SLC9C1: variants seen among roughly 807,000 people sequenced by gnomAD.
SLC9C1 encodes solute carrier family 9 member C1, also known as sodium/hydrogen exchanger 10.
SLC9C1 carries 97 observed loss-of-function variants against 140.9 expected under a neutral mutation model. The observed-to-expected ratio is 0.69, with a 90% CI of 0.58 to 0.82. SLC9C1 has a LOEUF of 0.82. SLC9C1 is among the 40% of genes least tolerant of loss of function. The probability of loss-of-function intolerance (pLI) is 0.00; values close to 1 mark genes in which losing one functional copy is unlikely to be tolerated. For missense variants in SLC9C1, 1,340 were observed against 1,389.3 expected (o/e 0.96, Z 0.56); for synonymous variants, 440 against 442.6 (o/e 0.99, Z 0.07).
intron 11 of SLC9C1, among the ~76,000 whole-genome samples, chr3:112,241,819 G>A (rs2079145536): frequency 6.6e-6 from 1 of 152,120 alleles, no homozygotes; most frequent in Non-Finnish European, 1.5e-5. Flanking sequence ...TCTGATGTTT[G>A]ACAAAGCTGA....
Position 112,170,022 on chromosome 3 carries a change from C to G in SLC9C1, c.2920-694G>C, listed in dbSNP as rs572812893. ...TGGATTAAAGAGTTAAACGTTAGAT[C>G]CTAAACTATAAACATGCTGGAAGGA... On this transcript the variant is annotated intron_variant, in intron 23 of 28. Coordinates refer to ENST00000305815, the MANE Select transcript of SLC9C1 (RefSeq NM_183061.3). 2.0e-5 allele frequency among the ~76,000 whole-genome samples: 3 copies of G among 152,042 alleles called. No homozygotes were observed. In the South Asian group the frequency reaches 6.2e-4, roughly 32 times the overall value.
At chr3:112,173,290 T>C (rs1029320897) in intron 23 of SLC9C1, among the ~76,000 whole-genome samples, 2 of 152,184 alleles carry the variant, frequency 1.3e-5, no homozygotes, top group Admixed American at 6.5e-5. Context: ...AATTTTTTCA[T>C]TTAGGTTTAA....
intron 26 of SLC9C1, among the ~76,000 whole-genome samples, chr3:112,163,494 A>C (rs1353393387): frequency 1.3e-5 from 2 of 151,690 alleles, no homozygotes; most frequent in Non-Finnish European, 3.0e-5. Flanking sequence ...TTGGTTTCAA[A>C]GAACATCTTT....
intron 13 of SLC9C1, among the ~76,000 whole-genome samples, chr3:112,226,728 TC>T (rs56038705): frequency 0.23 from 34,902 of 151,778 alleles, 4,382 homozygotes; most frequent in Middle Eastern, 0.28. Context: ...TCCCCCCCCA[TC>T]CCCCCACACA....
At chr3:112,217,959 T>C (rs1576369064) in intron 14 of SLC9C1, among the ~76,000 whole-genome samples, 1 of 152,158 alleles carries the variant, frequency 6.6e-6, no homozygotes, top group Non-Finnish European at 1.5e-5. Flanking sequence ...AAAATACCAA[T>C]GTTAGGCTGG....
intron 28 of SLC9C1, among the ~76,000 whole-genome samples, chr3:112,149,412 C>T (rs2074894657): frequency 6.6e-6 from 1 of 152,080 alleles, no homozygotes; most frequent in African/African-American, 2.4e-5. Flanking sequence ...GCTGCTGATC[C>T]AGTGAGTGAG....
intron 10 of SLC9C1, among the ~76,000 whole-genome samples, chr3:112,247,495 C>T (rs1383063069): frequency 1.3e-5 from 2 of 152,168 alleles, no homozygotes; most frequent in African/African-American, 2.4e-5. Flanking sequence ...CATCTCTGGG[C>T]TTAGAAAGAT....
chr3:112,156,249 C>T (rs1398062612), intron 26 of SLC9C1, among the ~76,000 whole-genome samples: 10 of 151,990 alleles, frequency 6.6e-5, no homozygotes, highest in Non-Finnish European at 1.3e-4. Context: ...GAGAACATGT[C>T]GCATTTGTCT....
chr3:112,215,078 C>T (rs1280468871), intron 15 of SLC9C1, among the ~76,000 whole-genome samples: 1 of 152,120 alleles, frequency 6.6e-6, no homozygotes, highest in Admixed American at 6.5e-5. Context: ...TAAATGTAAT[C>T]CAGCATATAA....
intron 20 of SLC9C1, among the ~76,000 whole-genome samples, chr3:112,187,624 A>T (rs1048271687): frequency 1.9e-4 from 29 of 152,326 alleles, no homozygotes; most frequent in African/African-American, 6.5e-4. Context: ...AAAATTTTTT[A>T]AAAAATTAGT....
At chr3:112,214,444 A>C (rs1328248195) in intron 15 of SLC9C1, among the ~76,000 whole-genome samples, 1 of 152,174 alleles carries the variant, frequency 6.6e-6, no homozygotes, top group African/African-American at 2.4e-5. Context: ...AAAGATCAAC[A>C]AAATTGATAG....
intron 11 of SLC9C1, among the ~76,000 whole-genome samples, chr3:112,240,320 C>T (rs2079107061): frequency 6.6e-6 from 1 of 152,096 alleles, no homozygotes; most frequent in South Asian, 2.1e-4. Flanking sequence ...GTCCTTTTTC[C>T]CAGTTTGATA....
chr3:112,151,037 T>C (rs893282674), intron 28 of SLC9C1, among the ~76,000 whole-genome samples: 5 of 151,644 alleles, frequency 3.3e-5, no homozygotes, highest in Non-Finnish European at 5.9e-5. Context: ...GGGGTTTCAC[T>C]ACCTTGGTCA....
chr3:112,203,222 T>C (rs900659627), intron 17 of SLC9C1, among the ~76,000 whole-genome samples: 1 of 152,048 alleles, frequency 6.6e-6, no homozygotes, highest in African/African-American at 2.4e-5. Flanking sequence ...TGATTTAACA[T>C]AAGACCATAG....
At chr3:112,249,685 A>G (rs904833363) in intron 10 of SLC9C1, among the ~76,000 whole-genome samples, 2 of 152,104 alleles carry the variant, frequency 1.3e-5, no homozygotes, top group East Asian at 3.9e-4. Context: ...TGTTGTTTCC[A>G]ATAATTTATC....
chr3:112,277,915 A>G, intron 4 of SLC9C1, 55 bp from the exon 5 acceptor site: 2 of 1,417,456 alleles, frequency 1.4e-6, no homozygotes, highest in Non-Finnish European at 1.9e-6. Context: ...GTCCATTTTA[A>G]GAAGAAAATA....
At chr3:112,248,898 AG>A (rs1381581513) in intron 10 of SLC9C1, among the ~76,000 whole-genome samples, 1 of 152,176 alleles carries the variant, frequency 6.6e-6, no homozygotes, top group African/African-American at 2.4e-5. Context: ...CTGCACACAA[AG>A]ATAGTTTTAC....
intron 23 of SLC9C1, among the ~76,000 whole-genome samples, chr3:112,170,222 GA>G: frequency 6.6e-6 from 1 of 152,280 alleles, no homozygotes; most frequent in Non-Finnish European, 1.5e-5. Context: ...TTCACTGGGA[GA>G]AACAAAAACC....
At chr3:112,285,170 T>C (rs2080472737) in intron 2 of SLC9C1, among the ~76,000 whole-genome samples, 1 of 151,976 alleles carries the variant, frequency 6.6e-6, no homozygotes, top group Non-Finnish European at 1.5e-5. Context: ...GTATTTTTAG[T>C]AGAAACAGTG....
Sources: gnomAD v4.1 joint callset for allele counts (sites outside exome capture counted in the v4.1 genomes callset) on GRCh38, gnomAD v4.1.1 for gene constraint, MANE v1.5 for transcripts, NCBI Gene and HGNC (gene_info 2026-07-23, HGNC 2026-07-21) for gene names.